DYRK4: variants seen among roughly 807,000 people sequenced by gnomAD.
DYRK4 encodes the protein dual specificity tyrosine-phosphorylation-regulated kinase 4.
A neutral mutation model predicts 68.3 loss-of-function variants in DYRK4; 64 were observed. That is an observed-to-expected ratio of 0.94 (90% CI 0.77 to 1.15). The LOEUF is 1.15. DYRK4 is among the 50% of genes most tolerant of loss of function. The probability of loss-of-function intolerance (pLI) is 0.00; values close to 1 mark genes in which losing one functional copy is unlikely to be tolerated. For missense variants in DYRK4, 740 were observed against 764.7 expected, an observed-to-expected ratio of 0.97 and a Z score of 0.38; for synonymous variants, 274 against 289.9, an observed-to-expected ratio of 0.95 and a Z score of 0.56.
chr12:4,564,477 A>G (rs1001287923), intron 1 of DYRK4: 1 of 152,190 alleles, frequency 6.6e-6, no homozygotes, highest in Non-Finnish European at 1.5e-5. Context: ...CAATTGCAGT[A>G]GAAATCCTAA....
intron 11 of DYRK4, among the ~76,000 whole-genome samples, chr12:4,605,904 C>T (rs922792011): frequency 1.3e-5 from 2 of 151,978 alleles, no homozygotes; most frequent in African/African-American, 4.8e-5. Context: ...TCGGTGACTC[C>T]TTTTGAGTTC....
At chr12:4,587,568 ACT>A (rs1367106519) in intron 2 of DYRK4, among the ~76,000 whole-genome samples, 1 of 151,662 alleles carries the variant, frequency 6.6e-6, no homozygotes, top group Non-Finnish European at 1.5e-5. Flanking sequence ...AGAAATTGAG[ACT>A]CTGAGATTTG....
chr12:4,587,339 G>T (rs765741923), intron 2 of DYRK4, among the ~76,000 whole-genome samples: 1 of 152,090 alleles, frequency 6.6e-6, no homozygotes, highest in South Asian at 2.1e-4. Context: ...TCAGAAGAGC[G>T]CCCCCTCTAC....
At chr12:4,605,354 G>A (rs879290662) in intron 11 of DYRK4, among the ~76,000 whole-genome samples, 6 of 152,118 alleles carry the variant, frequency 3.9e-5, no homozygotes, top group Non-Finnish European at 7.3e-5. Context: ...AAATTACACC[G>A]CTCTTTCAAA....
chr12:4,588,801 T>C, intron 2 of DYRK4, 136 bp from the exon 3 acceptor site: 1 of 713,068 alleles, frequency 1.4e-6, no homozygotes, highest in Non-Finnish European at 2.3e-6. Flanking sequence ...TATTGGAGCC[T>C]CTCTTGGCTC....
At chr12:4,593,732 T>C (rs538090282) in intron 6 of DYRK4, among the ~76,000 whole-genome samples, 23 of 152,296 alleles carry the variant, frequency 1.5e-4, no homozygotes, top group Middle Eastern at 6.8e-3. Context: ...AGCCTTAAGG[T>C]GAAAGCTGAG....
At chr12:4,596,875 A>G in intron 8 of DYRK4, 146 bp downstream of exon 8, 1 of 1,485,090 alleles carries the variant, frequency 6.7e-7, no homozygotes, top group Admixed American at 2.7e-5. Flanking sequence ...CAGAATGCCC[A>G]GGAGCAAGGA....
intron 2 of DYRK4, among the ~76,000 whole-genome samples, chr12:4,576,726 T>C (rs1944793351): frequency 6.6e-6 from 1 of 152,236 alleles, no homozygotes; most frequent in South Asian, 2.1e-4. Context: ...TGTAGTGGCA[T>C]CTCATTGTTT....
At position 4,596,149 on chromosome 12, in the gene DYRK4, G is replaced by A. The variant is rs746486416; in HGVS notation, c.628G>A (p.Val210Ile). The change falls in exon 7 of 15, where the codon GTC (valine) becomes ATC (isoleucine). Residue 210 changes from valine (V) to isoleucine (I), a missense_variant and splice_region_variant. By Grantham distance (29) the Val-to-Ile change is conservative. Around this residue, in one of 3 missense-constraint regions of DYRK4, gnomAD observed 614 missense variants for 603.7 expected, o/e 1.02. Transcript: ENST00000543431. Reference sequence around the variant, plus strand: ...TTCACCTCCGGCCTGGCTTCCACAGGTCCTGCATGATCACATTGCCTACCG... The same window carrying A: ...TTCACCTCCGGCCTGGCTTCCACAGATCCTGCATGATCACATTGCCTACCG... ...FDDEHGFYLK[V>I]LHDHIAYRYE... 26 of 1,614,148 alleles carry A rather than the reference G, an allele frequency of 1.6e-5. No individual in the cohort carries two copies. Among genetic ancestry groups the A allele is most frequent in the Non-Finnish European group, 2.2e-5 (26 of 1,180,002 alleles).
chr12:4,590,700 G>C (rs1446941485), intron 4 of DYRK4: 1 of 604,328 alleles, frequency 1.7e-6, no homozygotes, highest in African/African-American at 1.9e-5. Flanking sequence ...GTACATAAAA[G>C]GTGGAACCAT....
rs71579238 is a variant in DYRK4 at position 4,593,095 on chromosome 12, A to G, written c.557A>G (p.Lys186Arg). The G allele has an allele frequency of 3.8e-5, 62 of 1,614,066 alleles. No homozygotes were observed. Among genetic ancestry groups the G allele is most frequent in the Non-Finnish European group, 5.1e-5 (60 of 1,180,024 alleles). ...CTGTGGTTCCTGGGTCTTGAAGCCA[A>G]GAAGCTCGACACGGCTCCTGAGAAA... is the stretch of plus-strand genomic sequence containing the variant. ...AELWFLGLEA[K>R]KLDTAPEKFS... The change falls in exon 6 of 15, where the codon AAG (lysine) becomes AGG (arginine). Residue 186 changes from lysine to arginine, a missense_variant. Physicochemically the swap from Lys to Arg is conservative, Grantham distance 26. This residue lies in a region of DYRK4 where 614 missense variants were observed against 603.7 expected (regional missense o/e 1.02). Transcript: ENST00000543431.
At chr12:4,563,094 A>G (rs1173716707) in intron 1 of DYRK4, 4 of 455,962 alleles carry the variant, frequency 8.8e-6, no homozygotes, top group Non-Finnish European at 1.8e-5. Context: ...GAGGCCATTT[A>G]GTGGAAAAGT....
chr12:4,587,260 G>A (rs1944906813), intron 2 of DYRK4, among the ~76,000 whole-genome samples: 2 of 152,110 alleles, frequency 1.3e-5, no homozygotes, highest in South Asian at 2.1e-4. Flanking sequence ...CCTGGGTGGT[G>A]TTGTTTCACT....
chr12:4,592,823 T>G, intron 5 of DYRK4, 179 bp from the exon 6 acceptor site: 1 of 633,036 alleles, frequency 1.6e-6, no homozygotes, highest in Non-Finnish European at 2.6e-6. Flanking sequence ...TACAAGACCT[T>G]GACATTTATT....
chr12:4,579,509 CT>C (rs1944820787), intron 2 of DYRK4, among the ~76,000 whole-genome samples: 1 of 152,022 alleles, frequency 6.6e-6, no homozygotes, highest in South Asian at 2.1e-4. Flanking sequence ...TTACAGGGCT[CT>C]TTATTCATAT....
chr12:4,601,078 T>C (rs1401146612), intron 10 of DYRK4, among the ~76,000 whole-genome samples: 1 of 152,130 alleles, frequency 6.6e-6, no homozygotes, highest in Non-Finnish European at 1.5e-5. Context: ...AGAACCCCTA[T>C]CACTCAAGAA....
At chr12:4,606,293 GCTAT>G (rs3083726) in intron 11 of DYRK4, among the ~76,000 whole-genome samples, 3,352 of 151,130 alleles carry the variant, frequency 0.022, 47 homozygotes, top group Non-Finnish European at 0.029. Context: ...TGGCTGGCTG[GCTAT>G]CTATCTATCT....
At position 4,607,356 on chromosome 12, in the gene DYRK4, T is replaced by C; in HGVS notation, c.1329T>C (p.Ile443=). 1 of 1,614,236 alleles carries C rather than the reference T, an allele frequency of 6.2e-7. No individual in the cohort carries two copies. The highest frequency in any genetic ancestry group is 8.5e-7 in the Non-Finnish European group (1 of 1,180,032). The change falls in exon 12 of 15, where the codon ATT becomes ATC. Residue 443 remains isoleucine, a synonymous_variant. Transcript: ENST00000543431. Reference sequence around the variant, plus strand: ...TGGGTCTGCCGCCAGCCGGCTTCATTCAGACAGCCTCCAGGAGACAGACAT... The same window carrying C: ...TGGGTCTGCCGCCAGCCGGCTTCATCCAGACAGCCTCCAGGAGACAGACAT... The part of the protein sequence containing the change: ...EVLGLPPAGF[I]QTASRRQTFF...
At chr12:4,574,423 A>G (rs1447671044) in intron 2 of DYRK4, among the ~76,000 whole-genome samples, 1 of 151,970 alleles carries the variant, frequency 6.6e-6, no homozygotes, top group African/African-American at 2.4e-5. Context: ...TTAAAAATAT[A>G]TATGGAATCA....
Sources: gnomAD v4.1 joint callset for allele counts (sites outside exome capture counted in the v4.1 genomes callset) on GRCh38, gnomAD v4.1.1 for gene constraint, gnomAD v4.1.1 regional missense constraint, MANE v1.5 for transcripts, NCBI Gene and HGNC (gene_info 2026-07-23, HGNC 2026-07-21) for gene names.